The following TRIM38 variants were observed in gnomAD, a reference collection of about 807,000 sequenced individuals.
TRIM38 encodes tripartite motif containing 38.
In TRIM38, 35 loss-of-function variants were observed where a neutral mutation model predicts 35.8. That is an observed-to-expected ratio of 0.98 (90% confidence interval 0.75 to 1.30). TRIM38 has a LOEUF of 1.30. TRIM38 is among the 50% of genes most tolerant of loss of function. The pLI, the probability that TRIM38 is intolerant of heterozygous loss-of-function variation, is 0.00. For missense variants in TRIM38, 545 were observed against 556.9 expected, an observed-to-expected ratio of 0.98 and a Z score of 0.21; for synonymous variants, 198 against 204.7, an observed-to-expected ratio of 0.97 and a Z score of 0.28.
intron 2 of TRIM38, among the ~76,000 whole-genome samples, chr6:25,964,161 G>C (rs1396735990): frequency 6.6e-6 from 1 of 152,030 alleles, no homozygotes; most frequent in Non-Finnish European, 1.5e-5. Context: ...GAATCACAGA[G>C]TGATTACCCC....
At chr6:25,969,529 GA>G (rs1460691114) in intron 4 of TRIM38, 109 bp downstream of exon 4, 24 of 854,586 alleles carry the variant, frequency 2.8e-5, no homozygotes, top group Admixed American at 7.1e-5. Context: ...AAACCAGATT[GA>G]AAAAATGAAA....
chr6:25,981,232 G>C (rs114908738), intron 7 of TRIM38, among the ~76,000 whole-genome samples: 3 of 152,192 alleles, frequency 2.0e-5, no homozygotes, highest in African/African-American at 4.8e-5. Flanking sequence ...TACTCCCAAG[G>C]CTGCTTCTTT....
intron 7 of TRIM38, among the ~76,000 whole-genome samples, chr6:25,981,883 T>G (rs1365609678): frequency 6.6e-6 from 1 of 152,234 alleles, no homozygotes; most frequent in Non-Finnish European, 1.5e-5. Context: ...GACAGGATGG[T>G]AACCATATTA....
In TRIM38 at chr6:25,984,852, A is replaced by T. The variant is rs1362518250; in HGVS notation, c.*1165A>T. The T allele has an allele frequency of 6.6e-6, 1 of 152,322 alleles. No homozygotes were observed. Among genetic ancestry groups the T allele is most frequent in the Non-Finnish European group, 1.5e-5 (1 of 68,050 alleles). 9.4% of individuals were successfully genotyped at this position (152,322 alleles called of 1,614,324 possible). ...CATGCTGTGCCTCAAGGAAAAAAAAAATTAATGTTTACTGATATTTGTTGA... is the reference window on the plus strand; with the variant it reads ...CATGCTGTGCCTCAAGGAAAAAAAATATTAATGTTTACTGATATTTGTTGA... On this transcript the variant is annotated 3_prime_UTR_variant, in exon 8 of 8. Coordinates refer to ENST00000357085, the MANE Select transcript of TRIM38 (RefSeq NM_006355.5).
chr6:25,972,169 G>A (rs1760256971), intron 5 of TRIM38, 70 bp downstream of exon 5: 7 of 1,376,722 alleles, frequency 5.1e-6, no homozygotes, highest in Non-Finnish European at 7.1e-6. Context: ...TGGTAAGGAA[G>A]CATGGGAAGA....
At chr6:25,965,601 T>C (rs911777874) in intron 2 of TRIM38, among the ~76,000 whole-genome samples, 2 of 152,056 alleles carry the variant, frequency 1.3e-5, no homozygotes, top group African/African-American at 4.8e-5. Context: ...CACTACAGCC[T>C]GGGCAAGAGA....
chr6:25,978,190 A>G (rs1760451187), intron 7 of TRIM38, among the ~76,000 whole-genome samples: 1 of 151,964 alleles, frequency 6.6e-6, no homozygotes. Context: ...TCCCAGGCTG[A>G]GTGGTGCAGT....
intron 7 of TRIM38, among the ~76,000 whole-genome samples, chr6:25,982,899 C>T: frequency 6.6e-6 from 1 of 152,118 alleles, no homozygotes; most frequent in East Asian, 1.9e-4. Flanking sequence ...CCAGCCTGGC[C>T]AACATGGCGA....
intron 3 of TRIM38, 145 bp from the exon 4 acceptor site, chr6:25,969,180 T>G: frequency 1.6e-6 from 1 of 617,414 alleles, no homozygotes; most frequent in South Asian, 2.5e-5. Flanking sequence ...ACATATAGCC[T>G]TTAGCATGCT....
rs1028779219 is a variant in TRIM38 at position 25,973,234 on chromosome 6, A to C, written c.823A>C (p.Asn275His). ...CTCCTTGGAACTTCATACTATGTGC[A>C]ATGTTTCCAAGCTTTACTTCGATGT... ...AVSLELHTMC[N>H]VSKLYFDVKK... The change falls in exon 7 of 8, where the codon AAT becomes CAT. Residue 275 changes from asparagine (N) to histidine (H), a missense_variant. Asn to His is a moderately conservative substitution (Grantham distance 68, BLOSUM62 1). Coordinates refer to ENST00000357085, the MANE Select transcript of TRIM38 (RefSeq NM_006355.5). 6.2e-7 allele frequency: 1 copy of C among 1,614,014 alleles called. No homozygotes were observed. The highest frequency in any genetic ancestry group is 1.3e-5 in the African/African-American group (1 of 74,930).
At chr6:25,966,295 C>T (rs1760039993) in intron 2 of TRIM38, 40 bp from the exon 3 acceptor site, 4 of 456,234 alleles carry the variant, frequency 8.8e-6, no homozygotes, top group African/African-American at 2.0e-5. Context: ...AGTTCTCAAA[C>T]GTGGCCCAAA....
intron 7 of TRIM38, among the ~76,000 whole-genome samples, chr6:25,977,821 G>A (rs1390645789): frequency 6.6e-6 from 1 of 152,154 alleles, no homozygotes; most frequent in Non-Finnish European, 1.5e-5. Context: ...CTAGGTTGGT[G>A]AGAGAAGGCT....
Position 25,989,303 on chromosome 6 carries a change from G to C in TRIM38, c.*5616G>C, listed in dbSNP as rs1356967215. The C allele has an allele frequency of 6.6e-6, 1 of 152,068 alleles. No homozygotes were observed. Among genetic ancestry groups the C allele is most frequent in the East Asian group, 1.9e-4 (1 of 5,202 alleles). 9.4% of individuals were successfully genotyped at this position (152,068 alleles called of 1,614,324 possible). ...ATTCTAAAAATATTGTTCTTCATCA[G>C]ATCTGTCTTTTGCAAACATTACCTG... On this transcript the variant is annotated 3_prime_UTR_variant, in exon 8 of 8. Transcript: ENST00000357085.
chr6:25,970,574 A>G (rs1440931468), intron 4 of TRIM38, among the ~76,000 whole-genome samples: 1 of 151,946 alleles, frequency 6.6e-6, no homozygotes, highest in Admixed American at 6.6e-5. Context: ...CCCCATTTCT[A>G]GGATCTTGGG....
rs1254792103 is a variant in TRIM38 at position 25,989,507 on chromosome 6, A to ATTTTTTTTTT, written c.*5822_*5823insTTTTTTTTTT. Reference sequence around the variant, plus strand: ...TTTGCTATTGTTAGCAAGGTCTTGTATTCTTTTTTTTTTTTTTTTTTTTTT... The same window carrying ATTTTTTTTTT: ...TTTGCTATTGTTAGCAAGGTCTTGTATTTTTTTTTTTTCTTTTTTTTTTTTTTTTTTTTTT... On this transcript the variant is annotated 3_prime_UTR_variant, in exon 8 of 8. Transcript: ENST00000357085. 3 of 109,948 alleles carry ATTTTTTTTTT rather than the reference A, an allele frequency of 2.7e-5. No individual in the cohort carries two copies. Among genetic ancestry groups the ATTTTTTTTTT allele is most frequent in the East Asian group, 2.9e-4 (1 of 3,428 alleles). 6.8% of individuals were successfully genotyped at this position (109,948 alleles called of 1,614,324 possible).
rs71557310 is a variant in TRIM38, at chr6:25,966,236, T to C, written c.-188-99T>C. ...GCTTTTTTTCCTCTAAACAACCACT[T>C]GTAACTGCTTGCTAATGAGGGCAAC... On this transcript the variant is annotated intron_variant, in intron 2 of 7. Transcript: ENST00000357085. 1.4e-3 allele frequency: 499 copies of C among 348,242 alleles called. 2 individuals are homozygous for C. The highest frequency in any genetic ancestry group is 2.1e-3 in the Non-Finnish European group (405 of 192,892). 21.6% of individuals were successfully genotyped at this position (348,242 alleles called of 1,614,324 possible).
rs1017893044 is a variant in TRIM38 at position 25,983,109 on chromosome 6, C to A, written c.875-55C>A. On this transcript the variant is annotated intron_variant, in intron 7 of 7. Coordinates refer to ENST00000357085, the MANE Select transcript of TRIM38 (RefSeq NM_006355.5). ...CTCAAAATAAAATAAAATAAAATAACCTGTGTTCTTCACAGCAACAAAATT... is the reference window on the plus strand; with the variant it reads ...CTCAAAATAAAATAAAATAAAATAAACTGTGTTCTTCACAGCAACAAAATT... 4.7e-6 allele frequency: 7 copies of A among 1,493,820 alleles called. No homozygotes were observed. The African/African-American group carries it at 8.4e-5, about 18-fold the overall frequency. The allele number at this position is 1,493,820 out of a possible 1,614,324, so 92.5% of individuals were successfully genotyped here.
At position 25,963,247 on chromosome 6, in the gene TRIM38, G is replaced by A. The variant is rs2113567943; in HGVS notation, c.-224G>A. 6.6e-6 allele frequency: 1 copy of A among 152,454 alleles called. No homozygotes were observed. The highest frequency in any genetic ancestry group is 2.4e-5 in the African/African-American group (1 of 41,552). The allele number at this position is 152,454 out of a possible 1,614,324, so 9.4% of individuals were successfully genotyped here. A position where few individuals can be genotyped will look rare whatever the true frequency, so the allele number is the denominator to read the frequency against. ...GAAGAAATTCTGTGTGGCTTCAAGA[G>A]ACTGATCAAATTGTGAGAGGAAAAC... On this transcript the variant is annotated 5_prime_UTR_variant, in exon 2 of 8. Transcript: ENST00000357085.
At chr6:25,980,748 C>T (rs1230976867) in intron 7 of TRIM38, among the ~76,000 whole-genome samples, 1 of 152,154 alleles carries the variant, frequency 6.6e-6, no homozygotes, top group Non-Finnish European at 1.5e-5. Context: ...AATGCTCTGA[C>T]TTAATATCTT....
Sources: gnomAD v4.1 joint callset for allele counts (sites outside exome capture counted in the v4.1 genomes callset) on GRCh38, gnomAD v4.1.1 for gene constraint, MANE v1.5 for transcripts, NCBI Gene and HGNC (gene_info 2026-07-23, HGNC 2026-07-21) for gene names.